Variants in SMYD3 observed in about 807,000 individuals in gnomAD.
SMYD3 encodes the protein histone-lysine N-methyltransferase SMYD3.
In SMYD3, 36 loss-of-function variants were observed where a neutral mutation model predicts 57.7. The observed-to-expected ratio is 0.62, with a 90% CI of 0.48 to 0.82. The LOEUF (loss-of-function observed/expected upper bound fraction) is 0.82, where lower values mean the gene tolerates loss of function less well. SMYD3 is among the 40% of genes least tolerant of loss of function. The pLI is 0.00. For synonymous variants in SMYD3, 211 were observed against 195.0 expected, an observed-to-expected ratio of 1.08 and a Z score of -0.68; for missense variants, 515 against 538.8, an observed-to-expected ratio of 0.96 and a Z score of 0.44.
intron 1 of SMYD3, among the ~76,000 whole-genome samples, chr1:246,375,852 C>T (rs2066267509): frequency 6.6e-6 from 1 of 152,086 alleles, no homozygotes; most frequent in South Asian, 2.1e-4. Flanking sequence ...GCCTCAGCCT[C>T]CCAAGTAGCT....
At chr1:246,151,645 C>G (rs1208434059) in intron 5 of SMYD3, among the ~76,000 whole-genome samples, 1 of 152,208 alleles carries the variant, frequency 6.6e-6, no homozygotes, top group East Asian at 1.9e-4. Context: ...ACTCCACCAG[C>G]AGACAGATTC....
chr1:246,232,512 G>A (rs1323060061), intron 5 of SMYD3, among the ~76,000 whole-genome samples: 2 of 147,396 alleles, frequency 1.4e-5, no homozygotes, highest in Non-Finnish European at 3.0e-5. Flanking sequence ...GAGAGGAGAA[G>A]CACTCCTTCA....
chr1:245,855,222 C>T (rs978034355), intron 10 of SMYD3, among the ~76,000 whole-genome samples: 11 of 152,178 alleles, frequency 7.2e-5, no homozygotes, highest in African/African-American at 1.9e-4. Context: ...CCTTATCACT[C>T]TCTAGTTCCG....
chr1:246,162,531 A>T (rs1425461531), intron 5 of SMYD3, among the ~76,000 whole-genome samples: 1 of 152,150 alleles, frequency 6.6e-6, no homozygotes, highest in Non-Finnish European at 1.5e-5. Flanking sequence ...AGAATCTGGA[A>T]TTTTTGTTTG....
chr1:246,284,551 G>A (rs2064519368), intron 5 of SMYD3, among the ~76,000 whole-genome samples: 1 of 151,584 alleles, frequency 6.6e-6, no homozygotes, highest in African/African-American at 2.4e-5. Flanking sequence ...TGAGTAGCTG[G>A]GACTACAGGC....
intron 1 of SMYD3, among the ~76,000 whole-genome samples, chr1:246,491,521 C>G (rs2068271143): frequency 7.4e-6 from 1 of 134,894 alleles, no homozygotes. Flanking sequence ...GCCTCGGCAA[C>G]AAGAGCGAAA....
intron 5 of SMYD3, among the ~76,000 whole-genome samples, chr1:246,312,282 T>A (rs2065092834): frequency 6.6e-6 from 1 of 152,108 alleles, no homozygotes; most frequent in Admixed American, 6.5e-5. Context: ...TGATCAAATC[T>A]GGGTTTTTTT....
intron 5 of SMYD3, among the ~76,000 whole-genome samples, chr1:246,304,156 T>G (rs557503124): frequency 6.6e-6 from 1 of 152,332 alleles, no homozygotes; most frequent in East Asian, 1.9e-4. Flanking sequence ...TAGTTTTATG[T>G]ATGTGATAGT....
chr1:245,893,480 A>G (rs1179138574), intron 8 of SMYD3, among the ~76,000 whole-genome samples: 2 of 136,742 alleles, frequency 1.5e-5, no homozygotes, highest in Non-Finnish European at 3.1e-5. Flanking sequence ...ACTTAGAAAA[A>G]CAAACTATGA....
At chr1:245,946,075 T>C (rs1291176622) in intron 5 of SMYD3, among the ~76,000 whole-genome samples, 2 of 152,194 alleles carry the variant, frequency 1.3e-5, no homozygotes, top group Non-Finnish European at 2.9e-5. Flanking sequence ...CATGTTTACA[T>C]ATGTAACAAA....
chr1:246,366,987 C>T (rs1406004987), intron 1 of SMYD3, among the ~76,000 whole-genome samples: 2 of 150,554 alleles, frequency 1.3e-5, no homozygotes, highest in African/African-American at 4.9e-5. Context: ...ACAACAAAGC[C>T]GTATTTTTTG....
At chr1:246,395,587 C>T (rs570504930) in intron 1 of SMYD3, among the ~76,000 whole-genome samples, 4 of 132,522 alleles carry the variant, frequency 3.0e-5, no homozygotes, top group South Asian at 2.5e-4. Context: ...TGGACCCCCA[C>T]GGTCAGACAG....
chr1:246,363,425 A>C (rs182436309), intron 1 of SMYD3, among the ~76,000 whole-genome samples: 3,907 of 152,280 alleles, frequency 0.026, 61 homozygotes, highest in African/African-American at 0.033. Flanking sequence ...AGGTGTACCC[A>C]ACAGTTCATT....
intron 10 of SMYD3, among the ~76,000 whole-genome samples, chr1:245,841,970 A>C (rs1572488297): frequency 6.6e-6 from 1 of 151,960 alleles, no homozygotes; most frequent in African/African-American, 2.4e-5. Flanking sequence ...TTTTTGCCCT[A>C]TTTTTTCTAT....
chr1:245,876,005 C>G (rs547869057), intron 8 of SMYD3, among the ~76,000 whole-genome samples: 27 of 152,208 alleles, frequency 1.8e-4, no homozygotes, highest in Non-Finnish European at 2.8e-4. Context: ...CCAGTGGAAG[C>G]TGGATAGCTC....
chr1:245,798,912 G>A (rs1324921649), intron 10 of SMYD3, among the ~76,000 whole-genome samples: 2 of 151,928 alleles, frequency 1.3e-5, no homozygotes, highest in African/African-American at 2.4e-5. Flanking sequence ...TAGTGTTCCC[G>A]GCAGGCCCTG....
chr1:245,915,632 G>A lies in SMYD3; in HGVS notation c.711C>T (p.Ile237=). Reference sequence around the variant, plus strand: ...TGGTCATCAGCATATCCAGGTAGCAGATGGTGAGCTGTGCAGGCCAGAGAG... The same window carrying A: ...TGGTCATCAGCATATCCAGGTAGCAAATGGTGAGCTGTGCAGGCCAGAGAG... The part of the protein sequence containing the change: ...RDIEVGEELT[I]CYLDMLMTSE... The change falls in exon 8 of 12, where the codon ATC becomes ATT. Residue 237 remains isoleucine (I), a synonymous_variant. Coordinates refer to ENST00000490107, the MANE Select transcript of SMYD3 (RefSeq NM_001167740.2). 1 of 1,612,676 alleles carries A rather than the reference G, an allele frequency of 6.2e-7. No homozygotes were observed. Among genetic ancestry groups the A allele is most frequent in the Non-Finnish European group, 8.5e-7 (1 of 1,178,686 alleles).
In SMYD3 at chr1:245,916,111, G is replaced by A. The variant is rs374551524; in HGVS notation, c.703-471C>T. ...TGGAATTTAAGGTCATCCAAATTTG[G>A]TATCTTTGAAATGAGAAAACAGTTC... On this transcript the variant is annotated intron_variant, in intron 7 of 11. Coordinates refer to ENST00000490107, the MANE Select transcript of SMYD3 (RefSeq NM_001167740.2). Among the ~76,000 whole-genome samples the A allele has an allele frequency of 4.6e-5, 7 of 151,742 alleles. No homozygotes were observed. In the East Asian group the frequency reaches 1.2e-3, roughly 25 times the overall value.
At chr1:246,427,931 C>T (rs1365853995) in intron 1 of SMYD3, among the ~76,000 whole-genome samples, 1 of 152,072 alleles carries the variant, frequency 6.6e-6, no homozygotes, top group African/African-American at 2.4e-5. Context: ...TTCTTAAATC[C>T]TTAACTTATT....
Sources: allele counts gnomAD v4.1 joint callset (sites outside exome capture counted in the v4.1 genomes callset), GRCh38; gene constraint gnomAD v4.1.1; transcripts MANE v1.5; gene names NCBI Gene and HGNC (gene_info 2026-07-23, HGNC 2026-07-21).